Variants in CDK14 observed in about 807,000 individuals in gnomAD.
CDK14 encodes the protein cyclin dependent kinase 14, also known as cyclin-dependent kinase 14.
A neutral mutation model predicts 60.7 loss-of-function variants in CDK14; 34 were observed. The ratio of observed to expected loss-of-function variants is 0.56; its 90% CI spans 0.43 to 0.75. CDK14 has a LOEUF of 0.75. Ranked by LOEUF, CDK14 falls within the 30% of genes least tolerant of loss-of-function variation. CDK14 has a pLI of 0.00. For synonymous variants in CDK14, 197 were observed against 203.7 expected (o/e 0.97, Z 0.28); for missense variants, 482 against 564.1 (o/e 0.85, Z 1.47).
At chr7:90,874,885 C>T (rs1791507664) in intron 6 of CDK14, among the ~76,000 whole-genome samples, 1 of 152,048 alleles carries the variant, frequency 6.6e-6, no homozygotes, top group East Asian at 1.9e-4. Flanking sequence ...ATTCATGTAA[C>T]AAAGTTTGCT....
chr7:90,609,647 C>T (rs1398811416), intron 2 of CDK14, among the ~76,000 whole-genome samples: 1 of 152,198 alleles, frequency 6.6e-6, no homozygotes, highest in Non-Finnish European at 1.5e-5. Flanking sequence ...GCAGAAGTCA[C>T]TAGGATTCCT....
At chr7:90,597,525 G>T (rs1216718645) in intron 1 of CDK14, among the ~76,000 whole-genome samples, 19 of 152,162 alleles carry the variant, frequency 1.2e-4, no homozygotes, top group Admixed American at 1.2e-3. Context: ...AACCTGAAGA[G>T]TTAGCTGCCT....
chr7:91,017,998 C>T (rs1269711393), intron 10 of CDK14, among the ~76,000 whole-genome samples: 4 of 152,282 alleles, frequency 2.6e-5, no homozygotes, highest in South Asian at 2.1e-4. Flanking sequence ...TAAATGTGAC[C>T]ATGTTTCCTA....
At chr7:90,897,344 CTG>C (rs1336354351) in intron 6 of CDK14, among the ~76,000 whole-genome samples, 4 of 152,052 alleles carry the variant, frequency 2.6e-5, no homozygotes, top group Non-Finnish European at 4.4e-5. Context: ...GTTTTAAAAA[CTG>C]AGATTTTACA....
chr7:90,969,492 T>G (rs1794857406), intron 9 of CDK14, among the ~76,000 whole-genome samples: 1 of 152,226 alleles, frequency 6.6e-6, no homozygotes, highest in Non-Finnish European at 1.5e-5. Context: ...CATGAATAAA[T>G]TTTTCCTAAT....
At chr7:90,672,891 G>A (rs994129112) in intron 2 of CDK14, among the ~76,000 whole-genome samples, 24 of 152,136 alleles carry the variant, frequency 1.6e-4, no homozygotes, top group African/African-American at 5.3e-4. Context: ...TATGACTAAT[G>A]TAGCTATAAA....
intron 14 of CDK14, among the ~76,000 whole-genome samples, chr7:91,189,978 A>C (rs1038318476): frequency 6.6e-6 from 1 of 152,218 alleles, no homozygotes; most frequent in African/African-American, 2.4e-5. Flanking sequence ...TCATCACTGA[A>C]TAAGGAATAG....
chr7:90,802,632 G>T (rs914681650), intron 5 of CDK14, among the ~76,000 whole-genome samples: 1 of 152,158 alleles, frequency 6.6e-6, no homozygotes, highest in Non-Finnish European at 1.5e-5. Context: ...TCTTAAACTT[G>T]CTGTGCCTCA....
At chr7:91,151,648 C>T (rs749043749) in intron 14 of CDK14, among the ~76,000 whole-genome samples, 8 of 152,236 alleles carry the variant, frequency 5.3e-5, no homozygotes, top group African/African-American at 1.7e-4. Flanking sequence ...TCCCTCTTGG[C>T]GGTCCACATT....
chr7:90,965,671 A>G (rs557609117), intron 9 of CDK14, among the ~76,000 whole-genome samples: 2 of 152,310 alleles, frequency 1.3e-5, no homozygotes, highest in South Asian at 4.1e-4. Flanking sequence ...CTTTAGGTGC[A>G]TTAGAAGAAT....
chr7:90,753,513 A>C (rs867570282), intron 4 of CDK14, among the ~76,000 whole-genome samples: 1 of 152,194 alleles, frequency 6.6e-6, no homozygotes, highest in African/African-American at 2.4e-5. Flanking sequence ...ACCTATGACA[A>C]ACCCACAGCT....
At chr7:90,976,188 T>G (rs900918194) in intron 9 of CDK14, among the ~76,000 whole-genome samples, 2 of 152,164 alleles carry the variant, frequency 1.3e-5, no homozygotes, top group African/African-American at 4.8e-5. Context: ...CCAGCATTTG[T>G]TATTTTTTAT....
intron 14 of CDK14, among the ~76,000 whole-genome samples, chr7:91,125,347 G>A (rs1204398829): frequency 6.6e-6 from 1 of 152,116 alleles, no homozygotes. Flanking sequence ...CAACCTGAAT[G>A]TGTTCTGATA....
At chr7:90,768,987 GT>G (rs1266144523) in intron 4 of CDK14, among the ~76,000 whole-genome samples, 1 of 152,104 alleles carries the variant, frequency 6.6e-6, no homozygotes. Flanking sequence ...AAGAGTTAAT[GT>G]TAAGAGGCAA....
chr7:91,070,202 G>T (rs561890014), intron 11 of CDK14, among the ~76,000 whole-genome samples: 15 of 152,278 alleles, frequency 9.9e-5, no homozygotes, highest in African/African-American at 3.6e-4. Flanking sequence ...TGTTTGCTTT[G>T]CTAGAACACT....
chr7:90,814,856 T>C (rs1242678198), intron 5 of CDK14, among the ~76,000 whole-genome samples: 1 of 152,206 alleles, frequency 6.6e-6, no homozygotes, highest in Non-Finnish European at 1.5e-5. Context: ...GCTGAACTTT[T>C]ATGATTCCAT....
rs574500626 is a variant in CDK14 at position 91,089,858 on chromosome 7, A to G, written c.1154+10378A>G. On this transcript the variant is annotated intron_variant, in intron 12 of 14. Coordinates refer to ENST00000380050, the MANE Select transcript of CDK14 (RefSeq NM_001287135.2). The stretch of plus-strand genomic sequence containing the variant: ...TCATTATATTTATAAAGATAAATAC[A>G]AATGGAATTTTTTTCATTTGGCTCT... 3.9e-5 allele frequency among the ~76,000 whole-genome samples: 6 copies of G among 152,296 alleles called. No homozygotes were observed. In the South Asian group the frequency reaches 1.2e-3, roughly 32 times the overall value.
intron 13 of CDK14, 150 bp downstream of exon 13, chr7:91,112,831 G>GTT (rs1799506746): frequency 1.4e-6 from 1 of 739,178 alleles, no homozygotes; most frequent in African/African-American, 1.8e-5. Context: ...AGGTGTGTGT[G>GTT]TGTGTGTGTG....
At position 90,726,685 on chromosome 7, in the gene CDK14, A is replaced by G; in HGVS notation, c.242A>G (p.Asp81Gly). 6.2e-7 allele frequency: 1 copy of G among 1,613,876 alleles called. No individual in the cohort carries two copies. Among genetic ancestry groups the G allele is most frequent in the Non-Finnish European group, 8.5e-7 (1 of 1,179,832 alleles). The part of the protein sequence containing the change: ...VRVQRTQSTF[D>G]PFEKPANQVK... ...GTTCAGAGGACACAGAGCACTTTTG[A>G]CCCATTTGAGAAACCAGCTAATCAA... The change falls in exon 3 of 15, where the codon GAC becomes GGC. Residue 81 changes from aspartate to glycine, a missense_variant. By Grantham distance (94) the Asp-to-Gly change is moderately conservative. Coordinates refer to ENST00000380050, the MANE Select transcript of CDK14 (RefSeq NM_001287135.2).
Sources: allele counts gnomAD v4.1 joint callset (sites outside exome capture counted in the v4.1 genomes callset), GRCh38; gene constraint gnomAD v4.1.1; transcripts MANE v1.5; gene names NCBI Gene and HGNC (gene_info 2026-07-23, HGNC 2026-07-21).